SYN3: variants seen among roughly 807,000 people sequenced by gnomAD.
SYN3 encodes the protein synapsin III, also known as synapsin-3.
SYN3 carries 35 observed loss-of-function variants against 65.8 expected under a neutral mutation model. The observed-to-expected ratio is 0.53, with a 90% confidence interval of 0.41 to 0.70. The LOEUF (loss-of-function observed/expected upper bound fraction) is 0.70. Ranked by LOEUF, SYN3 falls within the 30% of genes least tolerant of loss-of-function variation. SYN3 has a pLI of 0.00. For missense variants in SYN3, 680 were observed against 749.0 expected (o/e 0.91, Z 1.08); for synonymous variants, 270 against 292.9 (o/e 0.92, Z 0.80).
chr22:32,750,108 G>C (rs148744683), intron 6 of SYN3, among the ~76,000 whole-genome samples: 2 of 152,196 alleles, frequency 1.3e-5, no homozygotes. Context: ...TGGTGAATAA[G>C]ATCGATGTGG....
At chr22:32,807,775 A>G (rs2046804999) in intron 6 of SYN3, among the ~76,000 whole-genome samples, 1 of 151,810 alleles carries the variant, frequency 6.6e-6, no homozygotes, top group East Asian at 1.9e-4. Flanking sequence ...ATACTCTTAT[A>G]TTATTATAAT....
At position 32,511,896 on chromosome 22, in the gene SYN3, C is replaced by T. The variant is rs1030359657; in HGVS notation, c.*1796G>A. Among the ~76,000 whole-genome samples the T allele has an allele frequency of 6.6e-6, 1 of 152,160 alleles. No homozygotes were observed. Among genetic ancestry groups the T allele is most frequent in the African/African-American group, 2.4e-5 (1 of 41,438 alleles). ...GGGGTCTCTTGCTCTTAAATCCAGACCTGATCATGAGTGAGGGAAGAGGGC... is the reference window on the plus strand; with the variant it reads ...GGGGTCTCTTGCTCTTAAATCCAGATCTGATCATGAGTGAGGGAAGAGGGC... On this transcript the variant is annotated 3_prime_UTR_variant, in exon 14 of 14. Transcript: ENST00000358763.
chr22:32,577,052 A>C lies in SYN3; in HGVS notation c.774+19622T>G, dbSNP rs1195065315. Among the ~76,000 whole-genome samples, 3 of 152,094 alleles carry C rather than the reference A, an allele frequency of 2.0e-5. No individual in the cohort carries two copies. In the East Asian group the frequency reaches 5.8e-4, roughly 29 times the overall value. On this transcript the variant is annotated intron_variant, in intron 7 of 13. Coordinates refer to ENST00000358763, the MANE Select transcript of SYN3 (RefSeq NM_003490.4). The stretch of plus-strand genomic sequence containing the variant: ...GGCTTCACATTAGCATCACCAGGGG[A>C]TAATACAATGCCAGCATCTGGGCCT...
chr22:32,805,737 A>G (rs540954588), intron 6 of SYN3, among the ~76,000 whole-genome samples: 1 of 151,944 alleles, frequency 6.6e-6, no homozygotes, highest in Non-Finnish European at 1.5e-5. Context: ...TTGCTAAATG[A>G]TAAAGCTAAA....
intron 4 of SYN3, among the ~76,000 whole-genome samples, chr22:32,898,414 C>T (rs952491562): frequency 7.2e-5 from 11 of 152,184 alleles, no homozygotes; most frequent in Non-Finnish European, 1.0e-4. Flanking sequence ...ATTACATGTG[C>T]CCAGAGTTCA....
chr22:33,041,294 C>CTT (rs531793626), intron 1 of SYN3, among the ~76,000 whole-genome samples: 23,707 of 129,138 alleles, frequency 0.18, 2,352 homozygotes, highest in East Asian at 0.41. Context: ...GGAACTCTTT[C>CTT]TTTTTTTTTT....
intron 6 of SYN3, among the ~76,000 whole-genome samples, chr22:32,776,327 A>G (rs2045907063): frequency 6.6e-6 from 1 of 152,142 alleles, no homozygotes; most frequent in Non-Finnish European, 1.5e-5. Flanking sequence ...GTACTTTGTT[A>G]TGGCAGCCCA....
At chr22:32,961,107 G>A (rs2146884513) in intron 3 of SYN3, among the ~76,000 whole-genome samples, 1 of 152,290 alleles carries the variant, frequency 6.6e-6, no homozygotes, top group African/African-American at 2.4e-5. Context: ...TGTTGCGGAA[G>A]ACTGTTTTGT....
chr22:32,513,860 G>C (rs1274084889), intron 13 of SYN3, 36 bp from the exon 14 acceptor site: 1 of 1,612,606 alleles, frequency 6.2e-7, no homozygotes, highest in Non-Finnish European at 8.5e-7. Flanking sequence ...AGGAAGACAA[G>C]GCGAAGACTA....
chr22:32,519,793 C>G (rs1481447082), intron 12 of SYN3: 2 of 152,214 alleles, frequency 1.3e-5, no homozygotes, highest in African/African-American at 2.4e-5. Flanking sequence ...CTACGACATG[C>G]TGCTGCTGGG....
chr22:32,627,867 C>T (rs549501765), intron 6 of SYN3, among the ~76,000 whole-genome samples: 118 of 152,206 alleles, frequency 7.8e-4, no homozygotes, highest in African/African-American at 2.5e-3. Context: ...CTCACTCTGT[C>T]GCCCAGGCTG....
At chr22:32,568,946 G>T (rs1029475680) in intron 7 of SYN3, among the ~76,000 whole-genome samples, 1 of 152,192 alleles carries the variant, frequency 6.6e-6, no homozygotes, top group Non-Finnish European at 1.5e-5. Flanking sequence ...CATTTGATGG[G>T]TGTTTAGGCT....
chr22:32,944,573 C>T (rs562471053), intron 3 of SYN3, among the ~76,000 whole-genome samples: 3 of 152,188 alleles, frequency 2.0e-5, no homozygotes, highest in African/African-American at 7.2e-5. Context: ...TATGACAAAC[C>T]CACAGCCAAT....
intron 6 of SYN3, among the ~76,000 whole-genome samples, chr22:32,812,895 C>T (rs952279225): frequency 6.6e-6 from 1 of 152,216 alleles, no homozygotes; most frequent in Admixed American, 6.5e-5. Flanking sequence ...AACTTCACCA[C>T]TGCAAGGACT....
intron 6 of SYN3, among the ~76,000 whole-genome samples, chr22:32,803,933 T>C (rs1008656520): frequency 6.6e-6 from 1 of 152,152 alleles, no homozygotes; most frequent in African/African-American, 2.4e-5. Context: ...CACGGAAAAG[T>C]GAAAACAAGC....
chr22:33,040,773 G>A (rs2053949182), intron 1 of SYN3, among the ~76,000 whole-genome samples: 1 of 152,128 alleles, frequency 6.6e-6, no homozygotes, highest in Non-Finnish European at 1.5e-5. Context: ...CATTTCCCCT[G>A]CTTGCACTTC....
intron 3 of SYN3, among the ~76,000 whole-genome samples, chr22:32,946,380 G>C (rs1189977968): frequency 2.6e-5 from 4 of 152,120 alleles, no homozygotes; most frequent in Non-Finnish European, 5.9e-5. Context: ...GGATGAGTTC[G>C]TGTCCTTTGT....
chr22:32,833,253 A>G (rs2047630759), intron 6 of SYN3, among the ~76,000 whole-genome samples: 1 of 152,182 alleles, frequency 6.6e-6, no homozygotes, highest in Non-Finnish European at 1.5e-5. Flanking sequence ...GTCGAAGGAC[A>G]TGGGACCATG....
intron 2 of SYN3, among the ~76,000 whole-genome samples, chr22:33,005,399 T>G (rs551148438): frequency 6.6e-6 from 1 of 152,350 alleles, no homozygotes; most frequent in South Asian, 2.1e-4. Flanking sequence ...TGTCTCCAGC[T>G]AGACTGATAA....
Sources: gnomAD v4.1 joint callset for allele counts (sites outside exome capture counted in the v4.1 genomes callset) on GRCh38, gnomAD v4.1.1 for gene constraint, MANE v1.5 for transcripts, NCBI Gene and HGNC (gene_info 2026-07-23, HGNC 2026-07-21) for gene names.